NPFFR2: variants seen among roughly 807,000 people sequenced by gnomAD.
NPFFR2 encodes the protein G-protein coupled receptor 74.
NPFFR2 carries 15 observed loss-of-function variants against 13.1 expected under a neutral mutation model. The ratio of observed to expected loss-of-function variants is 1.15; its 90% confidence interval spans 0.77 to 1.76. NPFFR2 has a LOEUF of 1.76. Among genes scored for constraint, NPFFR2 ranks in the 40% most tolerant of loss-of-function variants. The pLI is 0.00. For synonymous variants in NPFFR2, 190 were observed against 175.7 expected, an observed-to-expected ratio of 1.08 and a Z score of -0.65; for missense variants, 572 against 503.5, an observed-to-expected ratio of 1.14 and a Z score of -1.30.
chr4:72,034,202 C>T (rs1227541514), intron 1 of NPFFR2, among the ~76,000 whole-genome samples: 2 of 152,176 alleles, frequency 1.3e-5, no homozygotes, highest in East Asian at 3.8e-4. Flanking sequence ...ATCTCACATT[C>T]CTAAAACACA....
Position 72,076,365 on chromosome 4 carries a change from A to T in NPFFR2, c.-8+44165A>T, listed in dbSNP as rs191896291. On this transcript the variant is annotated intron_variant, in intron 1 of 3. Transcript: ENST00000308744. Reference sequence around the variant, plus strand: ...ACTATTTCATCTATATTATATATAAATTGTTATATTCTAACAAAAGTTGAT... The same window carrying T: ...ACTATTTCATCTATATTATATATAATTTGTTATATTCTAACAAAAGTTGAT... Among the ~76,000 whole-genome samples the T allele has an allele frequency of 2.0e-5, 3 of 152,188 alleles. No homozygotes were observed. The East Asian group carries it at 5.8e-4, about 29-fold the overall frequency.
intron 1 of NPFFR2, among the ~76,000 whole-genome samples, chr4:72,057,872 A>C (rs1184756289): frequency 2.0e-5 from 3 of 151,990 alleles, no homozygotes; most frequent in Non-Finnish European, 4.4e-5. Flanking sequence ...CACTATGAAG[A>C]GTACCGTGTC....
At chr4:72,130,512 C>T (rs774906726) in intron 2 of NPFFR2, among the ~76,000 whole-genome samples, 1 of 152,162 alleles carries the variant, frequency 6.6e-6, no homozygotes, top group East Asian at 1.9e-4. Context: ...TACCTTACTG[C>T]ATAGATCTGA....
intron 1 of NPFFR2, chr4:72,039,478 T>C (rs1334094928): frequency 1.6e-6 from 1 of 639,494 alleles, no homozygotes; most frequent in Non-Finnish European, 1.9e-6. Context: ...CATTCACATA[T>C]ATACACTCTC....
At position 72,143,884 on chromosome 4, in the gene NPFFR2, C is replaced by T. The variant is rs79368068; in HGVS notation, c.429-3094C>T. On this transcript the variant is annotated intron_variant, in intron 3 of 3. Coordinates refer to ENST00000308744, the MANE Select transcript of NPFFR2 (RefSeq NM_004885.3). ...TGAGAGTTGATGTACTCACCATTCT[C>T]TCCCCTTGGGTTGAATAATTCTGCA... Among the ~76,000 whole-genome samples the T allele has an allele frequency of 4.8e-3, 729 of 152,318 alleles. 7 individuals carry two copies. The highest frequency in any genetic ancestry group is 0.017 in the African/African-American group (696 of 41,580).
chr4:72,126,181 A>T (rs1428354111), intron 1 of NPFFR2, among the ~76,000 whole-genome samples: 1 of 152,248 alleles, frequency 6.6e-6, no homozygotes, highest in East Asian at 1.9e-4. Flanking sequence ...ATCTTGGATC[A>T]TTTAACTACG....
In NPFFR2 at chr4:72,032,244, C is replaced by A. The variant is rs764446792; in HGVS notation, c.-8+44C>A. The A allele has an allele frequency of 2.3e-5, 35 of 1,540,948 alleles. 1 individual carries two copies. In the South Asian group the frequency reaches 4.2e-4, roughly 19 times the overall value. ...TTGTCTGGGGGCCCCCGCTTGGGGG[C>A]GCGACCCCTCTCTAATGCCCAACGC... On this transcript the variant is annotated intron_variant, in intron 1 of 3. Transcript: ENST00000308744.
chr4:72,099,648 C>A (rs1721180031), intron 1 of NPFFR2, among the ~76,000 whole-genome samples: 1 of 152,030 alleles, frequency 6.6e-6, no homozygotes, highest in Non-Finnish European at 1.5e-5. Flanking sequence ...GAGGAAAGCA[C>A]CAAGCCATGA....
chr4:72,091,987 C>G (rs1005098280), intron 1 of NPFFR2, among the ~76,000 whole-genome samples: 2 of 151,894 alleles, frequency 1.3e-5, no homozygotes, highest in Non-Finnish European at 2.9e-5. Flanking sequence ...TATGAACTTT[C>G]CTTTTAACAC....
intron 1 of NPFFR2, among the ~76,000 whole-genome samples, chr4:72,048,277 C>T (rs13125774): frequency 0.89 from 135,110 of 151,880 alleles, 61,236 homozygotes; most frequent in Non-Finnish European, 0.98. Flanking sequence ...AGTCAGGCAA[C>T]TTACCCAAGA....
chr4:72,116,265 T>C (rs1721708502), intron 1 of NPFFR2, among the ~76,000 whole-genome samples: 1 of 152,170 alleles, frequency 6.6e-6, no homozygotes. Context: ...TGAAATTTAC[T>C]ATACTATTAA....
intron 1 of NPFFR2, among the ~76,000 whole-genome samples, chr4:72,043,423 G>A (rs1719286987): frequency 6.6e-6 from 1 of 152,182 alleles, no homozygotes; most frequent in Non-Finnish European, 1.5e-5. Flanking sequence ...CATGCACCTG[G>A]AAAAGGTGCA....
At chr4:72,100,397 A>G (rs1478855534) in intron 1 of NPFFR2, among the ~76,000 whole-genome samples, 1 of 152,098 alleles carries the variant, frequency 6.6e-6, no homozygotes, top group Non-Finnish European at 1.5e-5. Context: ...TTTTATTTAT[A>G]AAATAGGTGT....
chr4:72,074,788 C>G (rs1454939322), intron 1 of NPFFR2, among the ~76,000 whole-genome samples: 1 of 152,106 alleles, frequency 6.6e-6, no homozygotes, highest in Non-Finnish European at 1.5e-5. Context: ...AACAGACTCA[C>G]TTTAGAGACC....
chr4:72,109,559 C>T (rs1049586886), intron 1 of NPFFR2, among the ~76,000 whole-genome samples: 5 of 151,972 alleles, frequency 3.3e-5, no homozygotes, highest in African/African-American at 1.2e-4. Context: ...CCAGTGCCTG[C>T]TCACTTCAAG....
At chr4:72,131,362 C>G (rs957205051) in intron 2 of NPFFR2, among the ~76,000 whole-genome samples, 1 of 145,968 alleles carries the variant, frequency 6.9e-6, no homozygotes, top group Non-Finnish European at 1.5e-5. Flanking sequence ...GGGTGTACAC[C>G]GCATATTCTC....
chr4:72,094,108 G>T (rs1720987316), intron 1 of NPFFR2, among the ~76,000 whole-genome samples: 3 of 152,026 alleles, frequency 2.0e-5, no homozygotes, highest in Non-Finnish European at 4.4e-5. Flanking sequence ...TTCTTTTCTG[G>T]ATCTAGCCAC....
intron 1 of NPFFR2, among the ~76,000 whole-genome samples, chr4:72,105,217 TGTAG>T (rs1455560823): frequency 3.3e-5 from 5 of 151,536 alleles, no homozygotes; most frequent in East Asian, 3.9e-4. Context: ...ATTTACAATA[TGTAG>T]AGAGAGTTAT....
intron 1 of NPFFR2, among the ~76,000 whole-genome samples, chr4:72,067,647 AT>A (rs926378372): frequency 1.8e-4 from 28 of 151,698 alleles, no homozygotes; most frequent in African/African-American, 6.5e-4. Flanking sequence ...CTCTTCTCAC[AT>A]TTTACTATAA....
Sources: gnomAD v4.1 joint callset for allele counts (sites outside exome capture counted in the v4.1 genomes callset) on GRCh38, gnomAD v4.1.1 for gene constraint, MANE v1.5 for transcripts, NCBI Gene and HGNC (gene_info 2026-07-23, HGNC 2026-07-21) for gene names.